Variants in UMODL1 observed in about 807,000 individuals in gnomAD.
The protein encoded by UMODL1 is uromodulin-like 1.
Under a neutral mutation model 136.3 loss-of-function variants are expected in UMODL1, and 128 were observed. The ratio of observed to expected loss-of-function variants is 0.94; its 90% CI spans 0.81 to 1.09. The LOEUF (loss-of-function observed/expected upper bound fraction) is 1.09. Ranked by LOEUF, UMODL1 falls within the 50% of genes least tolerant of loss-of-function variation. UMODL1 has a pLI of 0.00. For missense variants in UMODL1, 1,766 were observed against 1,725.6 expected (o/e 1.02, Z -0.41); for synonymous variants, 721 against 720.0 (o/e 1.00, Z -0.02).
In UMODL1 at chr21:42,071,446, A is replaced by C. The variant is rs918793592; in HGVS notation, c.76+54A>C. On this transcript the variant is annotated intron_variant, in intron 1 of 22. Coordinates refer to ENST00000408910, the MANE Select transcript of UMODL1 (RefSeq NM_001004416.3). ...TTCTTAAGGACAGGGGCTTCCTGGCATGGGTCTCATGAGGACAGCCCCCTG... is the reference window on the plus strand; with the variant it reads ...TTCTTAAGGACAGGGGCTTCCTGGCCTGGGTCTCATGAGGACAGCCCCCTG... 2.0e-6 allele frequency: 3 copies of C among 1,474,344 alleles called. No individual in the cohort carries two copies. In the African/African-American group the frequency reaches 4.3e-5, roughly 21 times the overall value. The allele number at this position is 1,474,344 out of a possible 1,614,324, so 91.3% of individuals were successfully genotyped here.
At chr21:42,127,528 A>G (rs1359284188) in intron 19 of UMODL1, 144 bp from the exon 20 acceptor site, 1 of 1,042,640 alleles carries the variant, frequency 9.6e-7, no homozygotes, top group Non-Finnish European at 1.4e-6. Context: ...GTTTTGGGGA[A>G]CAAATGAGGT....
intron 17 of UMODL1, among the ~76,000 whole-genome samples, chr21:42,125,833 G>T (rs142636863): frequency 3.9e-5 from 6 of 152,308 alleles, no homozygotes; most frequent in Admixed American, 3.3e-4. Context: ...TGCTCAGATC[G>T]CCACCCACAC....
chr21:42,124,691 G>A (rs1169275630), intron 17 of UMODL1, among the ~76,000 whole-genome samples: 2 of 152,074 alleles, frequency 1.3e-5, no homozygotes, highest in South Asian at 2.1e-4. Flanking sequence ...TGTCCTCATC[G>A]GGAGCTAGGC....
chr21:42,095,091 T>TTTTTTTTTTG (rs1555922553), intron 6 of UMODL1, among the ~76,000 whole-genome samples: 6 of 111,970 alleles, frequency 5.4e-5, no homozygotes, highest in East Asian at 2.8e-4. Context: ...CTTCTGCTGT[T>TTTTTTTTTTG]TTTTTTTTTT....
chr21:42,142,671 G>A lies in UMODL1; in HGVS notation c.*597G>A, dbSNP rs2067298571. On this transcript the variant is annotated 3_prime_UTR_variant, in exon 23 of 23. Transcript: ENST00000408910. ...AGGTATTGCTTTTATTTACACGACA[G>A]CGACTCAAAAGGCACTCGATTAATG... is the stretch of plus-strand genomic sequence containing the variant. The A allele has an allele frequency of 6.6e-6, 1 of 152,184 alleles. No individual in the cohort carries two copies. The highest frequency in any genetic ancestry group is 2.1e-4 in the South Asian group (1 of 4,830). 9.4% of individuals were successfully genotyped at this position (152,184 alleles called of 1,614,324 possible).
intron 9 of UMODL1, chr21:42,108,656 T>C (rs2066759615): frequency 3.1e-6 from 1 of 322,138 alleles, no homozygotes; most frequent in East Asian, 7.8e-5. Flanking sequence ...CAGAAGGCAC[T>C]GTCACCTCCA....
rs549199779 is a variant in UMODL1 at position 42,087,172 on chromosome 21, C to T, written c.604-1122C>T. 1.4e-4 allele frequency among the ~76,000 whole-genome samples: 21 copies of T among 152,298 alleles called. No individual in the cohort carries two copies. In the South Asian group the frequency reaches 3.1e-3, roughly 23 times the overall value. On this transcript the variant is annotated intron_variant, in intron 4 of 22. Transcript: ENST00000408910. ...GTGCATGTAGGTTTCATGTCTCCAA[C>T]CAGCCCATTACCCCCTGCAGAAGCG...
chr21:42,108,877 GGC>G (rs2066765749), intron 9 of UMODL1, among the ~76,000 whole-genome samples: 4 of 63,094 alleles, frequency 6.3e-5, no homozygotes, highest in Admixed American at 1.6e-4. Flanking sequence ...CCCCACCCCC[GGC>G]GTGGGAAGTT....
In UMODL1 at chr21:42,109,710, AC is replaced by A; in HGVS notation, c.1657+17del. 3.1e-6 allele frequency: 5 copies of A among 1,597,066 alleles called. No homozygotes were observed. The highest frequency in any genetic ancestry group is 4.2e-6 in the Non-Finnish European group (5 of 1,178,628). ...GCCGGGCCTGTGAGGGTACGTGTCGACCCCCCTGCCGACTCTGGGAAGACCC... is the reference window on the plus strand; with the variant it reads ...GCCGGGCCTGTGAGGGTACGTGTCGACCCCCTGCCGACTCTGGGAAGACCC... On this transcript the variant is annotated intron_variant, in intron 10 of 22. Coordinates refer to ENST00000408910, the MANE Select transcript of UMODL1 (RefSeq NM_001004416.3).
chr21:42,107,933 G>A (rs770716463), intron 9 of UMODL1, among the ~76,000 whole-genome samples: 6 of 152,224 alleles, frequency 3.9e-5, no homozygotes, highest in Non-Finnish European at 5.9e-5. Context: ...AGTGTGCAGC[G>A]TCCTGCCCTG....
intron 1 of UMODL1, among the ~76,000 whole-genome samples, chr21:42,074,315 T>C (rs1450503929): frequency 6.6e-6 from 1 of 152,172 alleles, no homozygotes; most frequent in Non-Finnish European, 1.5e-5. Context: ...TAAGGGCCAG[T>C]CATATTGTAT....
rs1023110124 is a variant in UMODL1 at position 42,123,206 on chromosome 21, T to C, written c.3147+56T>C. 1.4e-5 allele frequency: 22 copies of C among 1,539,140 alleles called. No homozygotes were observed. In the East Asian group the frequency reaches 5.0e-4, roughly 35 times the overall value. Reference sequence around the variant, plus strand: ...ACACTAGGGCGCAAGGGGCTCTAGGTTACATGGGCCTCGATGTGGGAGGGC... The same window carrying C: ...ACACTAGGGCGCAAGGGGCTCTAGGCTACATGGGCCTCGATGTGGGAGGGC... On this transcript the variant is annotated intron_variant, in intron 17 of 22. Transcript: ENST00000408910. This position sits in a 1 kb window ranked among gnomAD's most constrained non-coding sequence, Gnocchi z 4.4.
chr21:42,102,178 T>C lies in UMODL1; in HGVS notation c.1199T>C (p.Phe400Ser). The change falls in exon 8 of 23, where the codon TTT becomes TCT. Residue 400 changes from phenylalanine (F) to serine (S), a missense_variant. Coordinates refer to ENST00000408910, the MANE Select transcript of UMODL1 (RefSeq NM_001004416.3). ...TLTIKTNAQVFEVTIKIVNHN... is the reference protein window; with the variant it reads ...TLTIKTNAQVSEVTIKIVNHN... The stretch of plus-strand genomic sequence containing the variant: ...CTGTCTGTCTCAGATGCCCAGGTAT[T>C]TGAAGTCACAATAAAGATTGTAAAC... The C allele has an allele frequency of 1.2e-6, 2 of 1,612,444 alleles. No homozygotes were observed. Among genetic ancestry groups the C allele is most frequent in the Admixed American group, 1.7e-5 (1 of 59,904 alleles).
upstream of UMODL1, among the ~76,000 whole-genome samples, chr21:42,067,938 A>C (rs1036455172): frequency 1.3e-5 from 2 of 152,266 alleles, no homozygotes; most frequent in Non-Finnish European, 2.9e-5. Context: ...GCTTCTTCAA[A>C]GGTAAACAGA....
intron 13 of UMODL1, 59 bp from the exon 14 acceptor site, chr21:42,115,814 T>A: frequency 2.3e-6 from 3 of 1,303,992 alleles, no homozygotes; most frequent in Non-Finnish European, 3.3e-6. Flanking sequence ...AATATTGAAA[T>A]GTTAGTCTGT....
upstream of UMODL1, chr21:42,071,300 G>T (rs1269422417): frequency 2.6e-6 from 4 of 1,555,758 alleles, no homozygotes; most frequent in Admixed American, 1.9e-5. Flanking sequence ...GCCCTGTACT[G>T]CCACCACTGC....
In UMODL1 at chr21:42,110,008, T is replaced by C. The variant is rs943966276; in HGVS notation, c.1657+309T>C. ...AGGGGTCCATGAAGGCCAAGTTCCT[T>C]GGGCCCACAGAAGTCAGGATGCAGC... On this transcript the variant is annotated intron_variant, in intron 10 of 22. Transcript: ENST00000408910. 4.6e-5 allele frequency among the ~76,000 whole-genome samples: 7 copies of C among 152,270 alleles called. No homozygotes were observed. In the South Asian group the frequency reaches 8.3e-4, roughly 18 times the overall value.
rs1304108755 is a variant in UMODL1, at chr21:42,119,276, C to T, written c.2641C>T (p.Gln881Ter). ...GTCAGCTGCATTTCTCACCGCCTTCCAGACCGTGCCTCTGCTGGAGGTGAT... is the reference window on the plus strand; with the variant it reads ...GTCAGCTGCATTTCTCACCGCCTTCTAGACCGTGCCTCTGCTGGAGGTGAT... Reference protein sequence around the residue: ...EVSAAFLTAFQTVPLLEVIRG... With the variant: ...EVSAAFLTAF The change falls in exon 15 of 23, where the codon CAG (glutamine) becomes TAG (stop). Residue 881 changes from glutamine (Q) to a stop codon, truncating the protein, a stop_gained. Transcript: ENST00000408910. LOFTEE classifies it high-confidence loss of function. 1 of 1,614,216 alleles carries T rather than the reference C, an allele frequency of 6.2e-7. No individual in the cohort carries two copies. Among genetic ancestry groups the T allele is most frequent in the Non-Finnish European group, 8.5e-7 (1 of 1,180,040 alleles).
chr21:42,071,954 G>A (rs948646140), intron 1 of UMODL1, among the ~76,000 whole-genome samples: 2 of 151,952 alleles, frequency 1.3e-5, no homozygotes, highest in Non-Finnish European at 2.9e-5. Flanking sequence ...AGGCTGGGAT[G>A]GGAGGATCAC....
Sources: allele counts gnomAD v4.1 joint callset (sites outside exome capture counted in the v4.1 genomes callset), GRCh38; gene constraint gnomAD v4.1.1; non-coding constraint Gnocchi (gnomAD v3.1); transcripts MANE v1.5; gene names NCBI Gene and HGNC (gene_info 2026-07-23, HGNC 2026-07-21).